Variants in MAGI2 observed in about 807,000 individuals in gnomAD.
MAGI2 encodes membrane-associated guanylate kinase, WW and PDZ domain-containing protein 2.
In MAGI2, 35 loss-of-function variants were observed where a neutral mutation model predicts 133.3. That is an observed-to-expected ratio of 0.26 (90% confidence interval 0.20 to 0.35). The LOEUF (loss-of-function observed/expected upper bound fraction) is 0.35. Among genes scored for constraint, MAGI2 ranks in the 10% least tolerant of loss-of-function variants. MAGI2 has a pLI of 1.00. For missense variants in MAGI2, 1,636 were observed against 1,863.4 expected (o/e 0.88, Z 2.25); for synonymous variants, 729 against 710.6 (o/e 1.03, Z -0.41).
At chr7:78,287,355 G>A (rs1172405388) in intron 9 of MAGI2, among the ~76,000 whole-genome samples, 1 of 152,026 alleles carries the variant, frequency 6.6e-6, no homozygotes, top group Non-Finnish European at 1.5e-5. Context: ...ACTAGGAAAT[G>A]AATAGCTAAA....
Position 78,559,577 on chromosome 7 carries a change from CGTGA to C in MAGI2, c.539-37936_539-37933del, listed in dbSNP as rs574502845. Among the ~76,000 whole-genome samples, 326 of 152,162 alleles carry C rather than the reference CGTGA, an allele frequency of 2.1e-3. 2 individuals carry two copies. The highest frequency in any genetic ancestry group is 7.1e-3 in the African/African-American group (294 of 41,524). On this transcript the variant is annotated intron_variant, in intron 3 of 21. Coordinates refer to ENST00000354212, the MANE Select transcript of MAGI2 (RefSeq NM_012301.4). ...ATTAAATATTTCCCATGCCGATGCTCGTGAGTATTAAGCTTAAAATTGTCCTGCT... is the reference window on the plus strand; with the variant it reads ...ATTAAATATTTCCCATGCCGATGCTCGTATTAAGCTTAAAATTGTCCTGCT...
At chr7:78,970,894 CTG>C (rs1212000067) in intron 2 of MAGI2, among the ~76,000 whole-genome samples, 1 of 152,068 alleles carries the variant, frequency 6.6e-6, no homozygotes, top group East Asian at 1.9e-4. Context: ...CTTTCTAACA[CTG>C]TGATGCATTT....
chr7:79,126,218 C>G (rs897283374), intron 1 of MAGI2, among the ~76,000 whole-genome samples: 2 of 152,182 alleles, frequency 1.3e-5, no homozygotes, highest in African/African-American at 2.4e-5. Flanking sequence ...TCACAGAGCT[C>G]TCCACACTTG....
At chr7:78,955,723 C>CTCTTTCTTTCTTTCTTTCTTCCTT (rs1802268758) in intron 2 of MAGI2, among the ~76,000 whole-genome samples, 2 of 83,434 alleles carry the variant, frequency 2.4e-5, no homozygotes, top group African/African-American at 9.4e-5. Context: ...TTCTTTCTTT[C>CTCTTTCTTTCTTTCTTTCTTCCTT]TCTTTCTTTC....
At chr7:78,468,131 T>A (rs753459403) in intron 6 of MAGI2, among the ~76,000 whole-genome samples, 8 of 152,218 alleles carry the variant, frequency 5.3e-5, no homozygotes, top group Non-Finnish European at 1.0e-4. Context: ...GCTAGTTTAC[T>A]AAATTTGCAG....
At chr7:78,557,968 T>C (rs1799997962) in intron 3 of MAGI2, among the ~76,000 whole-genome samples, 1 of 97,854 alleles carries the variant, frequency 1.0e-5, no homozygotes. Flanking sequence ...AGTACTTTAT[T>C]GGAACTCTTT....
chr7:78,985,694 G>A (rs561029702), intron 2 of MAGI2, among the ~76,000 whole-genome samples: 3 of 151,960 alleles, frequency 2.0e-5, no homozygotes, highest in African/African-American at 4.8e-5. Context: ...CTTTTAAAGC[G>A]CCATCTACCG....
chr7:78,620,283 A>G (rs556377163), intron 3 of MAGI2, among the ~76,000 whole-genome samples: 132 of 151,934 alleles, frequency 8.7e-4, no homozygotes, highest in Non-Finnish European at 1.6e-3. Flanking sequence ...TTATCACCCA[A>G]TGCTATCTTG....
intron 1 of MAGI2, among the ~76,000 whole-genome samples, chr7:79,345,686 A>C (rs1841260161): frequency 6.6e-6 from 1 of 152,134 alleles, no homozygotes; most frequent in Non-Finnish European, 1.5e-5. Flanking sequence ...GAAGAAGAAA[A>C]ATTGGCAATT....
intron 6 of MAGI2, among the ~76,000 whole-genome samples, chr7:78,463,587 A>G (rs548051523): frequency 1.3e-5 from 2 of 152,350 alleles, no homozygotes; most frequent in East Asian, 1.9e-4. Context: ...AGATGCTACC[A>G]TGTGAGGTCC....
At chr7:78,649,525 C>T (rs1257489222) in intron 2 of MAGI2, among the ~76,000 whole-genome samples, 1 of 151,902 alleles carries the variant, frequency 6.6e-6, no homozygotes, top group Non-Finnish European at 1.5e-5. Context: ...TTTTGAGTTG[C>T]AAATTTAAAA....
intron 21 of MAGI2, among the ~76,000 whole-genome samples, chr7:78,063,195 A>G (rs1813455225): frequency 6.6e-6 from 1 of 152,132 alleles, no homozygotes; most frequent in Non-Finnish European, 1.5e-5. Context: ...ACATCTGATT[A>G]TATAAACCTC....
intron 1 of MAGI2, among the ~76,000 whole-genome samples, chr7:79,173,462 A>G (rs2129549154): frequency 6.6e-6 from 1 of 152,106 alleles, no homozygotes; most frequent in African/African-American, 2.4e-5. Context: ...AGTAGCTGAG[A>G]CTGCAGGCAC....
intron 6 of MAGI2, among the ~76,000 whole-genome samples, chr7:78,379,379 G>A (rs1794721141): frequency 1.3e-5 from 2 of 151,904 alleles, no homozygotes; most frequent in Admixed American, 1.3e-4. Flanking sequence ...AGATAGGCCT[G>A]ACAAGAAAAA....
chr7:78,267,477 TCA>T (rs1371763857), intron 9 of MAGI2, among the ~76,000 whole-genome samples: 1 of 152,308 alleles, frequency 6.6e-6, no homozygotes, highest in South Asian at 2.1e-4. Flanking sequence ...ATTTCCAATT[TCA>T]GTTTCAGAAA....
intron 6 of MAGI2, among the ~76,000 whole-genome samples, chr7:78,407,674 T>C (rs1173796219): frequency 6.6e-6 from 1 of 151,130 alleles, no homozygotes; most frequent in African/African-American, 2.4e-5. Flanking sequence ...TTTTTTAAAT[T>C]CCAACGTATT....
chr7:78,507,050 A>G (rs1795151237), intron 4 of MAGI2, among the ~76,000 whole-genome samples: 1 of 152,210 alleles, frequency 6.6e-6, no homozygotes. Flanking sequence ...ATCAAGCATT[A>G]AAGTAGCAAA....
chr7:78,740,477 T>G (rs1488805834), intron 2 of MAGI2, among the ~76,000 whole-genome samples: 2 of 152,220 alleles, frequency 1.3e-5, no homozygotes, highest in African/African-American at 4.8e-5. Flanking sequence ...TTAATCGCAG[T>G]ATTATCTTCC....
At chr7:78,495,629 A>G (rs985089290) in intron 5 of MAGI2, among the ~76,000 whole-genome samples, 4 of 152,190 alleles carry the variant, frequency 2.6e-5, no homozygotes, top group Non-Finnish European at 5.9e-5. Context: ...ATCTATACAT[A>G]GGTAATACAC....
Sources: gnomAD v4.1 joint callset for allele counts (sites outside exome capture counted in the v4.1 genomes callset) on GRCh38, gnomAD v4.1.1 for gene constraint, MANE v1.5 for transcripts, NCBI Gene and HGNC (gene_info 2026-07-23, HGNC 2026-07-21) for gene names.